ZBTB7C: variants seen among roughly 807,000 people sequenced by gnomAD.
ZBTB7C encodes the protein zinc finger and BTB domain containing 7C, also known as zinc finger and BTB domain-containing protein 7C.
In ZBTB7C, 8 loss-of-function variants were observed where a neutral mutation model predicts 25.7. The observed-to-expected ratio is 0.31, with a 90% CI of 0.18 to 0.56. ZBTB7C has a LOEUF of 0.56. ZBTB7C is among the 20% of genes least tolerant of loss of function. The pLI is 0.91. For synonymous variants in ZBTB7C, 394 were observed against 369.0 expected (o/e 1.07, Z -0.78); for missense variants, 824 against 855.2 (o/e 0.96, Z 0.46).
intron 1 of ZBTB7C, among the ~76,000 whole-genome samples, chr18:48,389,249 G>C (rs1366768255): frequency 4.1e-5 from 6 of 144,698 alleles, no homozygotes; most frequent in African/African-American, 1.6e-4. Context: ...GTGTGTGTGT[G>C]TGTGTGTGTG....
intron 3 of ZBTB7C, among the ~76,000 whole-genome samples, chr18:48,134,460 T>C (rs2040085352): frequency 6.6e-6 from 1 of 151,908 alleles, no homozygotes; most frequent in Non-Finnish European, 1.5e-5. Flanking sequence ...TGTAAGTGGA[T>C]GAAGGGTCTT....
In ZBTB7C at chr18:48,253,749, C is replaced by T. The variant is rs535818522; in HGVS notation, c.-78-67754G>A. ...TACCCAAAGCCAGGAAAAGAACCAC[C>T]CAAAAAGGGGTAAAAGAAATAGTAC... On this transcript the variant is annotated intron_variant, in intron 2 of 4. Coordinates refer to ENST00000590800, the MANE Select transcript of ZBTB7C (RefSeq NM_001318841.2). Among the ~76,000 whole-genome samples the T allele has an allele frequency of 5.3e-5, 8 of 152,088 alleles. 1 individual carries two copies. In the South Asian group the frequency reaches 1.7e-3, roughly 32 times the overall value.
chr18:48,373,684 G>T (rs1426591255), intron 1 of ZBTB7C, among the ~76,000 whole-genome samples: 1 of 152,130 alleles, frequency 6.6e-6, no homozygotes, highest in Admixed American at 6.5e-5. Flanking sequence ...TCTGTGGGCC[G>T]GGCACTATGG....
intron 1 of ZBTB7C, among the ~76,000 whole-genome samples, chr18:48,358,928 G>T (rs1040963101): frequency 4.6e-5 from 7 of 152,242 alleles, no homozygotes; most frequent in East Asian, 1.9e-4. Flanking sequence ...GGCTGGTGTT[G>T]ATCACAGGTC....
At chr18:48,034,533 G>A (rs2035891031) in intron 4 of ZBTB7C, among the ~76,000 whole-genome samples, 1 of 151,936 alleles carries the variant, frequency 6.6e-6, no homozygotes, top group South Asian at 2.1e-4. Context: ...CCTCCTCCCA[G>A]CACTCCTCCC....
At chr18:48,073,990 T>G (rs976226928) in intron 3 of ZBTB7C, among the ~76,000 whole-genome samples, 1 of 151,980 alleles carries the variant, frequency 6.6e-6, no homozygotes, top group African/African-American at 2.4e-5. Context: ...GTCCTCATTA[T>G]GACTTTCTCG....
intron 4 of ZBTB7C, among the ~76,000 whole-genome samples, chr18:48,038,547 CTTT>C (rs200367018): frequency 2.3e-5 from 3 of 132,204 alleles, no homozygotes; most frequent in Non-Finnish European, 1.6e-5. Flanking sequence ...GAGGACTCAT[CTTT>C]TTTTTTTTTT....
At chr18:48,412,326 TA>T (rs2048387646), upstream of ZBTB7C, among the ~76,000 whole-genome samples, 1 of 152,216 alleles carries the variant, frequency 6.6e-6, no homozygotes, top group East Asian at 1.9e-4. Context: ...AGAGGGGAAT[TA>T]ACATTTACAG....
intron 2 of ZBTB7C, among the ~76,000 whole-genome samples, chr18:48,259,591 G>T (rs529569031): frequency 1.3e-5 from 2 of 152,244 alleles, no homozygotes; most frequent in East Asian, 3.9e-4. Context: ...ACCATGAAGA[G>T]AATGAAAAGA....
At chr18:48,183,368 C>G (rs2041976257) in intron 3 of ZBTB7C, among the ~76,000 whole-genome samples, 1 of 152,172 alleles carries the variant, frequency 6.6e-6, no homozygotes, top group African/African-American at 2.4e-5. Context: ...CAGGAGCCTG[C>G]TTGAGGCCAG....
intron 1 of ZBTB7C, among the ~76,000 whole-genome samples, chr18:48,367,735 C>T (rs1333439653): frequency 6.6e-6 from 1 of 151,944 alleles, no homozygotes; most frequent in Non-Finnish European, 1.5e-5. Context: ...GCACTCCCTG[C>T]TGGGATGGTG....
intron 2 of ZBTB7C, among the ~76,000 whole-genome samples, chr18:48,304,682 A>G (rs1435751553): frequency 5.9e-5 from 9 of 152,012 alleles, no homozygotes; most frequent in Non-Finnish European, 1.3e-4. Context: ...CTCAGAAAAA[A>G]GTACAAAACT....
chr18:48,229,663 C>T (rs1302566473), intron 2 of ZBTB7C, among the ~76,000 whole-genome samples: 1 of 152,188 alleles, frequency 6.6e-6, no homozygotes, highest in East Asian at 1.9e-4. Flanking sequence ...AATATTTTCA[C>T]TTTATCTGTC....
chr18:48,340,347 G>A (rs1341808877), intron 1 of ZBTB7C, among the ~76,000 whole-genome samples: 1 of 152,222 alleles, frequency 6.6e-6, no homozygotes, highest in Admixed American at 6.5e-5. Flanking sequence ...TGGCAGCCAT[G>A]TAGCTCAGTG....
chr18:48,272,208 C>T (rs2044514335), intron 2 of ZBTB7C, among the ~76,000 whole-genome samples: 1 of 152,142 alleles, frequency 6.6e-6, no homozygotes, highest in Non-Finnish European at 1.5e-5. Flanking sequence ...AAGAAGATCA[C>T]CCTCTCTAAT....
intron 2 of ZBTB7C, among the ~76,000 whole-genome samples, chr18:48,196,236 G>T (rs2042314795): frequency 6.6e-6 from 1 of 152,174 alleles, no homozygotes; most frequent in African/African-American, 2.4e-5. Flanking sequence ...GTCCTCCCCT[G>T]GGGCTGCTTC....
At chr18:48,146,036 T>C (rs1383939978) in intron 3 of ZBTB7C, among the ~76,000 whole-genome samples, 1 of 152,220 alleles carries the variant, frequency 6.6e-6, no homozygotes, top group Non-Finnish European at 1.5e-5. Flanking sequence ...TTGTATTTAA[T>C]TTTTTCCTAG....
intron 3 of ZBTB7C, among the ~76,000 whole-genome samples, chr18:48,108,031 C>T (rs142806567): frequency 4.3e-4 from 66 of 152,280 alleles, no homozygotes; most frequent in African/African-American, 1.5e-3. Context: ...TGTCAGGGCA[C>T]GTGAAATTCC....
At chr18:48,146,047 G>A (rs1344783576) in intron 3 of ZBTB7C, among the ~76,000 whole-genome samples, 2 of 151,968 alleles carry the variant, frequency 1.3e-5, no homozygotes, top group African/African-American at 2.4e-5. Flanking sequence ...TTTTTCCTAG[G>A]TTTTTTGCTT....
Sources: gnomAD v4.1 joint callset for allele counts (sites outside exome capture counted in the v4.1 genomes callset) on GRCh38, gnomAD v4.1.1 for gene constraint, MANE v1.5 for transcripts, NCBI Gene and HGNC (gene_info 2026-07-23, HGNC 2026-07-21) for gene names.